The following SRD5A1 variants were observed in gnomAD, a reference collection of about 807,000 sequenced individuals.
The protein encoded by SRD5A1 is 3-oxo-5-alpha-steroid 4-dehydrogenase 1.
SRD5A1 carries 22 observed loss-of-function variants against 28.2 expected under a neutral mutation model. The observed-to-expected ratio is 0.78, with a 90% CI of 0.56 to 1.12. The LOEUF is 1.12. Ranked by LOEUF, SRD5A1 falls within the 50% of genes most tolerant of loss-of-function variation. SRD5A1 has a pLI of 0.00. For missense variants in SRD5A1, 300 were observed against 346.7 expected, an observed-to-expected ratio of 0.87 and a Z score of 1.07; for synonymous variants, 151 against 135.0, an observed-to-expected ratio of 1.12 and a Z score of -0.82.
chr5:6,649,016 G>A (rs913532331), intron 1 of SRD5A1, among the ~76,000 whole-genome samples: 5 of 152,066 alleles, frequency 3.3e-5, no homozygotes, highest in Non-Finnish European at 4.4e-5. Context: ...CTGGAGGTCC[G>A]CTCCAGACCC....
chr5:6,652,476 A>G (rs906726805), intron 2 of SRD5A1, among the ~76,000 whole-genome samples: 2 of 152,224 alleles, frequency 1.3e-5, no homozygotes, highest in African/African-American at 4.8e-5. Flanking sequence ...TGTATCAGTT[A>G]ATGTGAATTA....
chr5:6,667,825 T>C (rs376520155), intron 4 of SRD5A1, among the ~76,000 whole-genome samples: 1 of 152,178 alleles, frequency 6.6e-6, no homozygotes, highest in Non-Finnish European at 1.5e-5. Context: ...AGAAAACTGC[T>C]GGAGTCACCA....
intron 1 of SRD5A1, among the ~76,000 whole-genome samples, chr5:6,647,005 C>A (rs541256317): frequency 1.3e-5 from 2 of 152,270 alleles, no homozygotes; most frequent in East Asian, 1.9e-4. Context: ...TAAAGAACAT[C>A]TTTATTTCTG....
intron 1 of SRD5A1, among the ~76,000 whole-genome samples, chr5:6,635,288 G>T (rs1738149720): frequency 6.6e-6 from 1 of 152,302 alleles, no homozygotes; most frequent in South Asian, 2.1e-4. Context: ...AGTACTGTGT[G>T]CCTGAAACTC....
At chr5:6,644,771 G>A (rs1017110461) in intron 1 of SRD5A1, 11 of 420,046 alleles carry the variant, frequency 2.6e-5, no homozygotes, top group African/African-American at 1.2e-4. Flanking sequence ...AAGCCCACAC[G>A]TACCTCTGTC....
intron 1 of SRD5A1, among the ~76,000 whole-genome samples, chr5:6,639,664 C>T (rs1233420731): frequency 6.6e-6 from 1 of 152,154 alleles, no homozygotes; most frequent in Non-Finnish European, 1.5e-5. Flanking sequence ...GCCTGATTTT[C>T]TCCAAGCCTT....
chr5:6,645,021 A>G (rs1322917562), intron 1 of SRD5A1: 1 of 455,918 alleles, frequency 2.2e-6, no homozygotes, highest in Non-Finnish European at 4.4e-6. Flanking sequence ...TTACTGGCCA[A>G]CACGTGCTTT....
intron 3 of SRD5A1, among the ~76,000 whole-genome samples, chr5:6,657,049 T>G (rs1738854001): frequency 6.6e-6 from 1 of 152,116 alleles, no homozygotes; most frequent in African/African-American, 2.4e-5. Flanking sequence ...CCAATAGAGC[T>G]TCAGAAAAAA....
chr5:6,654,545 T>C (rs916094383), intron 2 of SRD5A1, among the ~76,000 whole-genome samples: 23 of 152,248 alleles, frequency 1.5e-4, no homozygotes, highest in Non-Finnish European at 2.9e-4. Context: ...GCAATTCTTG[T>C]GCCTCAACCT....
chr5:6,665,169 C>T (rs561863528), intron 4 of SRD5A1, among the ~76,000 whole-genome samples: 6 of 152,284 alleles, frequency 3.9e-5, no homozygotes, highest in African/African-American at 7.2e-5. Flanking sequence ...GAGGCGGGGG[C>T]GATGCAGCCA....
Position 6,633,538 on chromosome 5 carries a change from C to G in SRD5A1, c.-39C>G. 7.0e-7 allele frequency: 1 copy of G among 1,435,448 alleles called. No homozygotes were observed. Among genetic ancestry groups the G allele is most frequent in the South Asian group, 1.4e-5 (1 of 69,716 alleles). The allele number at this position is 1,435,448 out of a possible 1,614,324, so 88.9% of individuals were successfully genotyped here. A position where few individuals can be genotyped will look rare whatever the true frequency, so the allele number is the denominator to read the frequency against. ...CCGCCGCCCTATATGTTGCCCGCCG[C>G]GGCCTCTGGGGCATGGAGCACGCTG... On this transcript the variant is annotated 5_prime_UTR_variant, in exon 1 of 5. Coordinates refer to ENST00000274192, the MANE Select transcript of SRD5A1 (RefSeq NM_001047.4).
At chr5:6,664,337 C>T (rs115834669) in intron 4 of SRD5A1, among the ~76,000 whole-genome samples, 79 of 152,210 alleles carry the variant, frequency 5.2e-4, no homozygotes, top group Non-Finnish European at 8.7e-4. Flanking sequence ...AGCCTCACCA[C>T]GAGTTTGCAG....
At position 6,671,279 on chromosome 5, in the gene SRD5A1, A is replaced by G. The variant is rs1739352084; in HGVS notation, c.*3011A>G. ...TTAGTGATGTTGAGCATTTTTTCATACTTTGTTGGCCATTTGTATATCTTC... is the reference window on the plus strand; with the variant it reads ...TTAGTGATGTTGAGCATTTTTTCATGCTTTGTTGGCCATTTGTATATCTTC... On this transcript the variant is annotated 3_prime_UTR_variant, in exon 5 of 5. Transcript: ENST00000274192. 1 of 151,936 alleles carries G rather than the reference A, an allele frequency of 6.6e-6. No individual in the cohort carries two copies. Among genetic ancestry groups the G allele is most frequent in the African/African-American group, 2.4e-5 (1 of 41,354 alleles). 9.4% of individuals were successfully genotyped at this position (151,936 alleles called of 1,614,324 possible).
chr5:6,667,771 C>G (rs1372577241), intron 4 of SRD5A1, among the ~76,000 whole-genome samples: 1 of 152,224 alleles, frequency 6.6e-6, no homozygotes, highest in Non-Finnish European at 1.5e-5. Flanking sequence ...GGTGCCCACT[C>G]TACACACCCT....
At position 6,662,895 on chromosome 5, in the gene SRD5A1, G is replaced by C. The variant is rs370521436; in HGVS notation, c.642G>C (p.Trp214Cys). Residue 214 changes from tryptophan to cysteine, a missense_variant, in exon 4 of 5, where the codon TGG (tryptophan) becomes TGC (cysteine). This residue lies in a region of SRD5A1 where 126 missense variants were observed against 185.7 expected (regional missense o/e 0.68). Transcript: ENST00000274192. ...GGTGTGGCTATGCCCTGGCCAGCTG[G>C]TCTGTCCAAGGCGCGGCTTTTGCTT... Reference protein sequence around the residue: ...MEWCGYALASWSVQGAAFAFF... With the variant: ...MEWCGYALASCSVQGAAFAFF... 1.6e-5 allele frequency: 26 copies of C among 1,613,666 alleles called. No individual in the cohort carries two copies. The highest frequency in any genetic ancestry group is 2.1e-5 in the Non-Finnish European group (25 of 1,180,058).
chr5:6,653,287 G>A (rs1187011495), intron 2 of SRD5A1, among the ~76,000 whole-genome samples: 1 of 152,202 alleles, frequency 6.6e-6, no homozygotes, highest in Non-Finnish European at 1.5e-5. Context: ...AGGGTTGGCT[G>A]AGAAGGCGTT....
chr5:6,640,525 C>A (rs1738328699), intron 1 of SRD5A1, among the ~76,000 whole-genome samples: 1 of 121,604 alleles, frequency 8.2e-6, no homozygotes, highest in Non-Finnish European at 1.7e-5. Context: ...AAAAGCAAGT[C>A]TTATTCTTTT....
At chr5:6,649,354 G>A (rs1007862269) in intron 1 of SRD5A1, among the ~76,000 whole-genome samples, 2 of 152,186 alleles carry the variant, frequency 1.3e-5, no homozygotes, top group Admixed American at 6.5e-5. Context: ...CTGTCCCAGG[G>A]AGCTGCGGTT....
rs1739376844 is a variant in SRD5A1 at position 6,672,045 on chromosome 5, T to C, written c.*3777T>C. ...TGATGTTGTGAGTTGGGCGGGACTTTAGGGACTATGCTGAACAATCCACTG... is the reference window on the plus strand; with the variant it reads ...TGATGTTGTGAGTTGGGCGGGACTTCAGGGACTATGCTGAACAATCCACTG... On this transcript the variant is annotated 3_prime_UTR_variant, in exon 5 of 5. Coordinates refer to ENST00000274192, the MANE Select transcript of SRD5A1 (RefSeq NM_001047.4). 6.6e-6 allele frequency: 1 copy of C among 152,238 alleles called. No homozygotes were observed. The highest frequency in any genetic ancestry group is 2.1e-4 in the South Asian group (1 of 4,828). 9.4% of individuals were successfully genotyped at this position (152,238 alleles called of 1,614,324 possible).
Sources: gnomAD v4.1 joint callset for allele counts (sites outside exome capture counted in the v4.1 genomes callset) on GRCh38, gnomAD v4.1.1 for gene constraint, gnomAD v4.1.1 regional missense constraint, MANE v1.5 for transcripts, NCBI Gene and HGNC (gene_info 2026-07-23, HGNC 2026-07-21) for gene names.